Variants in NBEA observed in about 807,000 individuals in gnomAD.
The protein encoded by NBEA is neurobeachin.
A neutral mutation model predicts 343.4 loss-of-function variants in NBEA; 44 were observed. The observed-to-expected ratio is 0.13, with a 90% CI of 0.10 to 0.16. NBEA has a LOEUF of 0.16. Ranked by LOEUF, NBEA falls within the 10% of genes least tolerant of loss-of-function variation. The probability of loss-of-function intolerance (pLI) is 1.00; values close to 1 mark genes in which losing one functional copy is unlikely to be tolerated. For synonymous variants in NBEA, 1,175 were observed against 1,238.7 expected (o/e 0.95, Z 1.08); for missense variants, 2,555 against 3,631.3 (o/e 0.70, Z 7.62).
chr13:35,587,846 A>G (rs2081355765), intron 46 of NBEA, among the ~76,000 whole-genome samples: 1 of 152,188 alleles, frequency 6.6e-6, no homozygotes, highest in African/African-American at 2.4e-5. Context: ...ATGCCAGAAT[A>G]TTCTGCACAT....
chr13:35,045,423 T>C, intron 4 of NBEA, 22 bp downstream of exon 4: 1 of 1,526,550 alleles, frequency 6.6e-7, no homozygotes, highest in East Asian at 2.3e-5. Context: ...ATACATGTGC[T>C]GATTTTTATT....
At chr13:34,992,723 A>C (rs2060804262) in intron 1 of NBEA, among the ~76,000 whole-genome samples, 1 of 151,648 alleles carries the variant, frequency 6.6e-6, no homozygotes, top group Non-Finnish European at 1.5e-5. Context: ...CCCAGGCTGG[A>C]GTGCAGTGGC....
chr13:35,025,280 T>G (rs539064116), intron 1 of NBEA, among the ~76,000 whole-genome samples: 2 of 152,304 alleles, frequency 1.3e-5, no homozygotes, highest in African/African-American at 4.8e-5. Context: ...ATTTCTTAGA[T>G]TTTTCTTCTA....
chr13:35,489,231 A>G (rs2076413949), intron 41 of NBEA, among the ~76,000 whole-genome samples: 1 of 151,866 alleles, frequency 6.6e-6, no homozygotes, highest in Admixed American at 6.6e-5. Flanking sequence ...TGCGTTTACA[A>G]CAGAAACATT....
intron 34 of NBEA, among the ~76,000 whole-genome samples, chr13:35,281,048 C>A (rs1259418911): frequency 6.6e-6 from 1 of 152,012 alleles, no homozygotes; most frequent in South Asian, 2.1e-4. Context: ...CTTAAGATCT[C>A]ACCATGAATT....
intron 1 of NBEA, among the ~76,000 whole-genome samples, chr13:34,955,083 T>C (rs1170869442): frequency 6.6e-6 from 1 of 152,152 alleles, no homozygotes; most frequent in Non-Finnish European, 1.5e-5. Context: ...GATTCTATGG[T>C]CCTTCACAGA....
chr13:35,483,560 C>T (rs1018814264), intron 41 of NBEA, among the ~76,000 whole-genome samples: 15 of 151,642 alleles, frequency 9.9e-5, no homozygotes, highest in Non-Finnish European at 2.1e-4. Flanking sequence ...TACTCTAAAC[C>T]AAGAATTATT....
chr13:35,284,011 CACACCA>C (rs1403750971), intron 34 of NBEA, among the ~76,000 whole-genome samples: 1 of 143,220 alleles, frequency 7.0e-6, no homozygotes, highest in East Asian at 2.4e-4. Flanking sequence ...CACACACACA[CACACCA>C]CACAGATGCA....
At chr13:35,143,903 C>CAA (rs78818842) in intron 18 of NBEA, among the ~76,000 whole-genome samples, 1 of 129,474 alleles carries the variant, frequency 7.7e-6, no homozygotes, top group Non-Finnish European at 1.6e-5. Context: ...AAAAAAAAAA[C>CAA]AAAAAAAAAA....
At chr13:35,594,086 C>T (rs2081650216) in intron 47 of NBEA, among the ~76,000 whole-genome samples, 1 of 151,986 alleles carries the variant, frequency 6.6e-6, no homozygotes, top group Admixed American at 6.6e-5. Flanking sequence ...AAAAGAAAAA[C>T]ATTGTATTCA....
chr13:35,019,802 C>T (rs2061773164), intron 1 of NBEA, among the ~76,000 whole-genome samples: 1 of 152,134 alleles, frequency 6.6e-6, no homozygotes, highest in South Asian at 2.1e-4. Flanking sequence ...TAAAGTTGTT[C>T]ACAAGAATAA....
intron 38 of NBEA, among the ~76,000 whole-genome samples, chr13:35,374,367 T>A (rs925126566): frequency 1.3e-5 from 2 of 152,194 alleles, no homozygotes; most frequent in Non-Finnish European, 2.9e-5. Context: ...CAAAGATCAC[T>A]AATCACAGAT....
At chr13:35,251,343 AT>A (rs1293097062) in intron 34 of NBEA, 75 of 1,010,196 alleles carry the variant, frequency 7.4e-5, no homozygotes, top group Non-Finnish European at 8.8e-5. Flanking sequence ...GCTTCCTCAC[AT>A]CCTCACCAGC....
At chr13:35,149,057 GTT>G (rs1451513771) in intron 18 of NBEA, among the ~76,000 whole-genome samples, 1 of 150,154 alleles carries the variant, frequency 6.7e-6, no homozygotes, top group Non-Finnish European at 1.5e-5. Context: ...GCTCTGAATT[GTT>G]TGTTTGTTTG....
chr13:35,070,637 A>G (rs2063829277), intron 9 of NBEA, 82 bp from the exon 10 acceptor site: 1 of 1,254,856 alleles, frequency 8.0e-7, no homozygotes, highest in African/African-American at 1.5e-5. Context: ...ATTTAATTCT[A>G]TTATAAAGGT....
At chr13:35,453,024 T>C (rs1403111470) in intron 40 of NBEA, among the ~76,000 whole-genome samples, 1 of 152,196 alleles carries the variant, frequency 6.6e-6, no homozygotes, top group African/African-American at 2.4e-5. Context: ...CTTAGTTCTA[T>C]ACTTGCAGCC....
intron 41 of NBEA, among the ~76,000 whole-genome samples, chr13:35,519,395 G>A (rs2077608035): frequency 1.3e-5 from 2 of 151,924 alleles, no homozygotes; most frequent in South Asian, 4.1e-4. Flanking sequence ...TTTAAAGGTG[G>A]GATCATACAA....
intron 38 of NBEA, among the ~76,000 whole-genome samples, chr13:35,419,819 G>A (rs750565509): frequency 1.4e-4 from 21 of 151,898 alleles, no homozygotes; most frequent in Non-Finnish European, 2.9e-4. Flanking sequence ...ATAACCTGAG[G>A]TGCAGTCTAA....
intron 48 of NBEA, among the ~76,000 whole-genome samples, chr13:35,619,822 A>G (rs766493432): frequency 2.2e-4 from 33 of 152,158 alleles, no homozygotes; most frequent in Admixed American, 3.9e-4. Context: ...TATTTCTCAA[A>G]TTGAGGACTT....
Sources: gnomAD v4.1 joint callset for allele counts (sites outside exome capture counted in the v4.1 genomes callset) on GRCh38, gnomAD v4.1.1 for gene constraint, MANE v1.5 for transcripts, NCBI Gene and HGNC (gene_info 2026-07-23, HGNC 2026-07-21) for gene names.